PTPRO: variants seen among roughly 807,000 people sequenced by gnomAD.
The protein encoded by PTPRO is receptor-type tyrosine-protein phosphatase O.
PTPRO carries 62 observed loss-of-function variants against 145.2 expected under a neutral mutation model. That is an observed-to-expected ratio of 0.43 (90% confidence interval 0.35 to 0.53). The LOEUF is 0.53. PTPRO is among the 20% of genes least tolerant of loss of function. The pLI, the probability that PTPRO is intolerant of heterozygous loss-of-function variation, is 0.01. For missense variants in PTPRO, 1,345 were observed against 1,482.7 expected, an observed-to-expected ratio of 0.91 and a Z score of 1.53; for synonymous variants, 565 against 514.7, an observed-to-expected ratio of 1.10 and a Z score of -1.32.
chr12:15,582,148 G>A (rs778929306), intron 23 of PTPRO, among the ~76,000 whole-genome samples: 15 of 152,240 alleles, frequency 9.9e-5, no homozygotes, highest in Non-Finnish European at 1.9e-4. Context: ...ATTGTTTGTG[G>A]TTTAAGAATG....
At chr12:15,527,698 C>CATT (rs1942870028) in intron 12 of PTPRO, among the ~76,000 whole-genome samples, 1 of 152,134 alleles carries the variant, frequency 6.6e-6, no homozygotes, top group African/African-American at 2.4e-5. Context: ...ACTTAAGGTG[C>CATT]CACCTAGAGC....
chr12:15,361,682 A>G (rs1938216393), intron 1 of PTPRO, among the ~76,000 whole-genome samples: 1 of 152,150 alleles, frequency 6.6e-6, no homozygotes, highest in Non-Finnish European at 1.5e-5. Context: ...GACTAAATGA[A>G]TGAATGAATT....
chr12:15,447,267 A>G (rs1164647424), intron 1 of PTPRO, among the ~76,000 whole-genome samples: 1 of 152,138 alleles, frequency 6.6e-6, no homozygotes, highest in Non-Finnish European at 1.5e-5. Flanking sequence ...AGTATAAATG[A>G]CATGAAAGAA....
intron 7 of PTPRO, among the ~76,000 whole-genome samples, chr12:15,509,401 A>G (rs963784170): frequency 2.6e-5 from 4 of 151,900 alleles, no homozygotes; most frequent in Non-Finnish European, 5.9e-5. Context: ...TAAAAATGTA[A>G]AGAATATAAA....
intron 15 of PTPRO, among the ~76,000 whole-genome samples, chr12:15,556,949 T>C (rs1254162802): frequency 2.0e-5 from 3 of 152,196 alleles, no homozygotes. Flanking sequence ...TTGCAAAAGA[T>C]TATTTCTTTT....
At chr12:15,545,490 C>G (rs1055704365) in intron 12 of PTPRO, among the ~76,000 whole-genome samples, 1 of 149,980 alleles carries the variant, frequency 6.7e-6, no homozygotes, top group East Asian at 2.0e-4. Context: ...AAGCAGAAGA[C>G]CAGGAGACAT....
At chr12:15,361,040 T>C (rs915964306) in intron 1 of PTPRO, among the ~76,000 whole-genome samples, 3 of 151,196 alleles carry the variant, frequency 2.0e-5, no homozygotes, top group Admixed American at 1.3e-4. Flanking sequence ...TGTTTAAACA[T>C]ATACAAATAT....
At chr12:15,483,918 A>T in intron 1 of PTPRO, 56 bp from the exon 2 acceptor site, 1 of 1,548,736 alleles carries the variant, frequency 6.5e-7, no homozygotes, top group Non-Finnish European at 8.9e-7. Context: ...GCATAACTTT[A>T]TTGCCAATTA....
At chr12:15,574,237 G>T (rs900358148) in intron 19 of PTPRO, among the ~76,000 whole-genome samples, 9 of 152,170 alleles carry the variant, frequency 5.9e-5, no homozygotes, top group Non-Finnish European at 1.0e-4. Context: ...TTTTAAATCT[G>T]CTAGAAAGAT....
At chr12:15,332,649 G>C (rs1229676801) in intron 1 of PTPRO, among the ~76,000 whole-genome samples, 1 of 152,100 alleles carries the variant, frequency 6.6e-6, no homozygotes, top group East Asian at 1.9e-4. Context: ...AGACCATCTA[G>C]TTCAAAATTT....
chr12:15,388,279 G>A (rs1204681009), intron 1 of PTPRO, among the ~76,000 whole-genome samples: 3 of 152,198 alleles, frequency 2.0e-5, no homozygotes, highest in East Asian at 3.9e-4. Context: ...AGGAAAAAAT[G>A]TAAATTGCAG....
At chr12:15,551,415 T>TG in intron 14 of PTPRO, 136 bp from the exon 15 acceptor site, 1 of 1,160,688 alleles carries the variant, frequency 8.6e-7, no homozygotes, top group Non-Finnish European at 1.3e-6. Flanking sequence ...ATTGCTGGCT[T>TG]GGGGAACATG....
chr12:15,526,340 T>G, intron 12 of PTPRO, 78 bp downstream of exon 12: 1 of 1,570,390 alleles, frequency 6.4e-7, no homozygotes, highest in South Asian at 1.1e-5. Context: ...GCTCCTCAAT[T>G]CAATGAAATA....
At chr12:15,444,647 A>G (rs894664233) in intron 1 of PTPRO, among the ~76,000 whole-genome samples, 1 of 151,346 alleles carries the variant, frequency 6.6e-6, no homozygotes, top group African/African-American at 2.4e-5. Flanking sequence ...TAAAGCCTTC[A>G]GGAGGTTATT....
chr12:15,440,926 C>T (rs1458120044), intron 1 of PTPRO, among the ~76,000 whole-genome samples: 3 of 152,086 alleles, frequency 2.0e-5, no homozygotes, highest in Admixed American at 2.0e-4. Flanking sequence ...GGGTCTTCAA[C>T]CCCCAACTGA....
chr12:15,411,644 T>C (rs1397097453), intron 1 of PTPRO, among the ~76,000 whole-genome samples: 1 of 152,230 alleles, frequency 6.6e-6, no homozygotes, highest in African/African-American at 2.4e-5. Flanking sequence ...ACATTGAAGC[T>C]TCATCTCAGA....
intron 1 of PTPRO, among the ~76,000 whole-genome samples, chr12:15,391,044 A>G (rs887255835): frequency 6.6e-6 from 1 of 152,162 alleles, no homozygotes; most frequent in African/African-American, 2.4e-5. Flanking sequence ...AATTCCATCA[A>G]CGAAAACCCT....
At chr12:15,387,165 G>A (rs1939052247) in intron 1 of PTPRO, among the ~76,000 whole-genome samples, 1 of 152,006 alleles carries the variant, frequency 6.6e-6, no homozygotes. Flanking sequence ...CTTCCATCAT[G>A]CCACCCCACT....
chr12:15,455,730 T>C (rs986309977), intron 1 of PTPRO, among the ~76,000 whole-genome samples: 1 of 152,250 alleles, frequency 6.6e-6, no homozygotes, highest in Non-Finnish European at 1.5e-5. Context: ...GCTGAACTCA[T>C]TTGTTACTTC....
Sources: allele counts gnomAD v4.1 joint callset (sites outside exome capture counted in the v4.1 genomes callset), GRCh38; gene constraint gnomAD v4.1.1; transcripts MANE v1.5; gene names NCBI Gene and HGNC (gene_info 2026-07-23, HGNC 2026-07-21).